Variants in CDK6 observed in about 807,000 individuals in gnomAD.
CDK6 encodes cyclin-dependent kinase 6.
In CDK6, 6 loss-of-function variants were observed where a neutral mutation model predicts 37.1. The ratio of observed to expected loss-of-function variants is 0.16; its 90% CI spans 0.09 to 0.32. CDK6 has a LOEUF of 0.32. Ranked by LOEUF, CDK6 falls within the 10% of genes least tolerant of loss-of-function variation. The pLI, the probability that CDK6 is intolerant of heterozygous loss-of-function variation, is 1.00. For synonymous variants in CDK6, 160 were observed against 161.3 expected, an observed-to-expected ratio of 0.99 and a Z score of 0.06; for missense variants, 224 against 418.9, an observed-to-expected ratio of 0.53 and a Z score of 4.06.
intron 2 of CDK6, among the ~76,000 whole-genome samples, chr7:92,832,241 G>A (rs2116026808): frequency 6.6e-6 from 1 of 152,262 alleles, no homozygotes; most frequent in South Asian, 2.1e-4. Context: ...ATTATCCTAA[G>A]TCACACATTT....
Position 92,779,696 on chromosome 7 carries a change from A to G in CDK6, c.234-4865T>C, listed in dbSNP as rs527942289. 5.3e-5 allele frequency among the ~76,000 whole-genome samples: 8 copies of G among 152,328 alleles called. No homozygotes were observed. In the South Asian group the frequency reaches 1.7e-3, roughly 32 times the overall value. ...ACAGACCTAGTACTCCATGGAAGACATCTGGGGAAATATTGCTCTTCCCAA... is the reference window on the plus strand; with the variant it reads ...ACAGACCTAGTACTCCATGGAAGACGTCTGGGGAAATATTGCTCTTCCCAA... On this transcript the variant is annotated intron_variant, in intron 2 of 7. Coordinates refer to ENST00000424848, the MANE Select transcript of CDK6 (RefSeq NM_001145306.2).
chr7:92,717,831 C>T lies in CDK6; in HGVS notation c.537+7795G>A, dbSNP rs573051720. Among the ~76,000 whole-genome samples the T allele has an allele frequency of 2.4e-4, 36 of 152,350 alleles. No individual in the cohort carries two copies. In the South Asian group the frequency reaches 7.0e-3, roughly 30 times the overall value. ...TTAGATAGCCACATGCATGCACATG[C>T]ACCAACAGCAGCTTTCTGTGCAGTA... On this transcript the variant is annotated intron_variant, in intron 4 of 7. Transcript: ENST00000424848.
intron 3 of CDK6, among the ~76,000 whole-genome samples, chr7:92,763,532 C>T (rs1452735386): frequency 6.6e-6 from 1 of 152,186 alleles, no homozygotes; most frequent in Non-Finnish European, 1.5e-5. Context: ...TTCTCCTATT[C>T]CTAAGCATCT....
At chr7:92,766,675 T>TA (rs1799589607) in intron 3 of CDK6, among the ~76,000 whole-genome samples, 1 of 152,204 alleles carries the variant, frequency 6.6e-6, no homozygotes, top group African/African-American at 2.4e-5. Flanking sequence ...TAGCACAGGC[T>TA]AAATTTAGAT....
chr7:92,740,937 C>A (rs1227976146), intron 3 of CDK6, among the ~76,000 whole-genome samples: 1 of 152,130 alleles, frequency 6.6e-6, no homozygotes, highest in African/African-American at 2.4e-5. Flanking sequence ...AAAGGAATGA[C>A]CCAATGCTGC....
chr7:92,765,008 T>A (rs1427111325), intron 3 of CDK6, among the ~76,000 whole-genome samples: 7 of 152,274 alleles, frequency 4.6e-5, no homozygotes, highest in Non-Finnish European at 5.9e-5. Flanking sequence ...GTAAGAATGA[T>A]AAAATCCAAA....
intron 6 of CDK6, among the ~76,000 whole-genome samples, chr7:92,622,109 G>A (rs11768058): frequency 6.6e-6 from 1 of 150,942 alleles, no homozygotes; most frequent in African/African-American, 2.4e-5. Context: ...TTTTGGTCTA[G>A]AACTCCCACT....
At chr7:92,779,554 A>G (rs1463891962) in intron 2 of CDK6, among the ~76,000 whole-genome samples, 6 of 152,200 alleles carry the variant, frequency 3.9e-5, no homozygotes, top group Non-Finnish European at 5.9e-5. Context: ...CAGGAAATGG[A>G]GCATATTAGA....
intron 5 of CDK6, among the ~76,000 whole-genome samples, chr7:92,663,498 G>A (rs1429643666): frequency 2.0e-5 from 3 of 151,576 alleles, no homozygotes; most frequent in Non-Finnish European, 4.4e-5. Context: ...TCAGGATTTC[G>A]AGACCAGCCT....
intron 4 of CDK6, among the ~76,000 whole-genome samples, chr7:92,675,511 T>C (rs953756255): frequency 6.6e-6 from 1 of 152,272 alleles, no homozygotes; most frequent in Non-Finnish European, 1.5e-5. Flanking sequence ...TCTGAAATTC[T>C]ATTTGCTAGT....
chr7:92,794,891 A>ATAAG (rs1562967238), intron 2 of CDK6, among the ~76,000 whole-genome samples: 2 of 151,832 alleles, frequency 1.3e-5, no homozygotes, highest in African/African-American at 4.9e-5. Context: ...AGGTGTGATA[A>ATAAG]TAAAGATGTT....
intron 3 of CDK6, among the ~76,000 whole-genome samples, chr7:92,754,915 C>A (rs777500244): frequency 6.6e-6 from 1 of 152,132 alleles, no homozygotes; most frequent in Non-Finnish European, 1.5e-5. Context: ...AGTTTATTGC[C>A]GCTCTAGTCC....
chr7:92,739,821 T>C (rs930948442), intron 3 of CDK6, among the ~76,000 whole-genome samples: 3 of 152,152 alleles, frequency 2.0e-5, no homozygotes, highest in African/African-American at 7.2e-5. Flanking sequence ...AGTGCAGTGG[T>C]GAAGCTCACT....
At chr7:92,784,287 A>G (rs867316315) in intron 2 of CDK6, among the ~76,000 whole-genome samples, 17 of 152,362 alleles carry the variant, frequency 1.1e-4, no homozygotes, top group African/African-American at 4.1e-4. Context: ...CAGCTAAACA[A>G]TAATCAGTTG....
At chr7:92,740,120 G>T (rs1452235930) in intron 3 of CDK6, among the ~76,000 whole-genome samples, 5 of 152,148 alleles carry the variant, frequency 3.3e-5, no homozygotes, top group African/African-American at 1.2e-4. Flanking sequence ...TTCACTATAA[G>T]ACAAAGGTAA....
intron 5 of CDK6, among the ~76,000 whole-genome samples, chr7:92,662,505 T>C (rs1796862627): frequency 1.3e-5 from 2 of 152,152 alleles, no homozygotes; most frequent in South Asian, 4.2e-4. Flanking sequence ...TAAGTAGAGC[T>C]TTCTTTTCAG....
At chr7:92,826,772 T>C (rs1446949799) in intron 2 of CDK6, among the ~76,000 whole-genome samples, 3 of 152,154 alleles carry the variant, frequency 2.0e-5, no homozygotes, top group Non-Finnish European at 2.9e-5. Flanking sequence ...CCAATGTCAA[T>C]AGTCCAAGAT....
intron 5 of CDK6, among the ~76,000 whole-genome samples, chr7:92,667,354 T>C (rs56353205): frequency 0.17 from 25,074 of 151,636 alleles, 3,146 homozygotes; most frequent in African/African-American, 0.34. Context: ...TGTGCTACCA[T>C]GTTCAGCTAA....
At chr7:92,741,807 T>C (rs1189861262) in intron 3 of CDK6, among the ~76,000 whole-genome samples, 4 of 152,182 alleles carry the variant, frequency 2.6e-5, no homozygotes, top group Admixed American at 1.3e-4. Flanking sequence ...TTCTAAGTAA[T>C]GGCACATAAC....
Sources: allele counts gnomAD v4.1 joint callset (sites outside exome capture counted in the v4.1 genomes callset), GRCh38; gene constraint gnomAD v4.1.1; transcripts MANE v1.5; gene names NCBI Gene and HGNC (gene_info 2026-07-23, HGNC 2026-07-21).